Variants in DTNA observed in about 807,000 individuals in gnomAD.
DTNA encodes the protein dystrobrevin alpha.
A neutral mutation model predicts 100.7 loss-of-function variants in DTNA; 43 were observed. The observed-to-expected ratio is 0.43, with a 90% CI of 0.33 to 0.55. The LOEUF is 0.55. Ranked by LOEUF, DTNA falls within the 20% of genes least tolerant of loss-of-function variation. The probability of loss-of-function intolerance (pLI) is 0.04; values close to 1 mark genes in which losing one functional copy is unlikely to be tolerated. For synonymous variants in DTNA, 349 were observed against 347.9 expected (o/e 1.00, Z -0.04); for missense variants, 798 against 953.9 (o/e 0.84, Z 2.15).
At chr18:34,650,309 A>G (rs1216976395) in intron 1 of DTNA, among the ~76,000 whole-genome samples, 2 of 152,136 alleles carry the variant, frequency 1.3e-5, no homozygotes, top group African/African-American at 4.8e-5. Flanking sequence ...ACCATGAGTC[A>G]GATGAACTCT....
intron 1 of DTNA, among the ~76,000 whole-genome samples, chr18:34,608,502 G>C (rs1483359527): frequency 1.4e-5 from 2 of 146,194 alleles, no homozygotes; most frequent in Non-Finnish European, 3.0e-5. Flanking sequence ...AGGGACAAAA[G>C]TATTCGTTAG....
intron 1 of DTNA, among the ~76,000 whole-genome samples, chr18:34,722,982 T>C (rs1383286): frequency 0.12 from 17,979 of 152,218 alleles, 1,582 homozygotes; most frequent in African/African-American, 0.24. Context: ...CGAATAAAGC[T>C]ACTATGAACA....
At chr18:34,759,419 AC>A (rs1443409667) in intron 2 of DTNA, among the ~76,000 whole-genome samples, 12 of 152,308 alleles carry the variant, frequency 7.9e-5, no homozygotes, top group East Asian at 1.9e-4. Context: ...TTAGGGACAG[AC>A]CTAGGACATG....
chr18:34,671,792 C>A (rs1295521992), intron 1 of DTNA, among the ~76,000 whole-genome samples: 1 of 152,024 alleles, frequency 6.6e-6, no homozygotes, highest in East Asian at 1.9e-4. Flanking sequence ...AACTTTACAT[C>A]ATAGTATCAA....
intron 1 of DTNA, among the ~76,000 whole-genome samples, chr18:34,677,428 A>AT (rs1385957934): frequency 6.6e-6 from 1 of 150,994 alleles, no homozygotes; most frequent in Non-Finnish European, 1.5e-5. Context: ...CAGCAGCCAA[A>AT]TCCTAAGAGG....
At chr18:34,737,861 C>T (rs1233016057) in intron 1 of DTNA, 2 of 152,084 alleles carry the variant, frequency 1.3e-5, no homozygotes, top group African/African-American at 4.8e-5. Context: ...CAGAGACACG[C>T]CTTCATGAAA....
chr18:34,636,805 A>G (rs758089439), intron 1 of DTNA, among the ~76,000 whole-genome samples: 3 of 152,204 alleles, frequency 2.0e-5, no homozygotes, highest in African/African-American at 4.8e-5. Context: ...TCATTGAGTT[A>G]CAGAATCCAA....
intron 1 of DTNA, among the ~76,000 whole-genome samples, chr18:34,562,853 C>G (rs1019032523): frequency 6.6e-6 from 1 of 152,132 alleles, no homozygotes; most frequent in Non-Finnish European, 1.5e-5. Flanking sequence ...AGAGAGTGCA[C>G]AGATAATTCT....
intron 1 of DTNA, among the ~76,000 whole-genome samples, chr18:34,509,000 G>A (rs1287408646): frequency 6.6e-6 from 1 of 152,066 alleles, no homozygotes; most frequent in Admixed American, 6.6e-5. Flanking sequence ...ACCACCAGTT[G>A]TCTTAGGCTC....
Position 34,589,687 on chromosome 18 carries a change from A to G in DTNA, c.-2+96173A>G, listed in dbSNP as rs192165098. Among the ~76,000 whole-genome samples, 9 of 152,302 alleles carry G rather than the reference A, an allele frequency of 5.9e-5. No homozygotes were observed. The East Asian group carries it at 1.7e-3, about 29-fold the overall frequency. On this transcript the variant is annotated intron_variant, in intron 1 of 19. Coordinates refer to the DTNA transcript ENST00000283365. ...TACCGGTATACAATACAATATTATT[A>G]ACTGTAGTCTTTGTTCTATATGCTA...
intron 1 of DTNA, among the ~76,000 whole-genome samples, chr18:34,565,370 T>A (rs111744932): frequency 0.015 from 2,210 of 152,320 alleles, 55 homozygotes; most frequent in African/African-American, 0.049. Flanking sequence ...AGAATCTGCT[T>A]AAGGAGAAAA....
chr18:34,654,593 TA>T (rs1224178559), intron 1 of DTNA, among the ~76,000 whole-genome samples: 2 of 152,232 alleles, frequency 1.3e-5, no homozygotes, highest in East Asian at 1.9e-4. Context: ...GGGAACATTC[TA>T]AAAACATACC....
chr18:34,704,614 T>C (rs1479273654), intron 1 of DTNA, among the ~76,000 whole-genome samples: 1 of 152,204 alleles, frequency 6.6e-6, no homozygotes, highest in African/African-American at 2.4e-5. Flanking sequence ...TATTTCCTTT[T>C]TCCATGTTCT....
chr18:34,839,132 C>G (rs1281294771), intron 13 of DTNA, among the ~76,000 whole-genome samples: 1 of 152,152 alleles, frequency 6.6e-6, no homozygotes, highest in African/African-American at 2.4e-5. Flanking sequence ...CCAATCAGTT[C>G]TGTGCTACGT....
chr18:34,728,085 T>C (rs1038555266), intron 1 of DTNA, among the ~76,000 whole-genome samples: 1 of 152,210 alleles, frequency 6.6e-6, no homozygotes, highest in African/African-American at 2.4e-5. Context: ...CGTATTACTT[T>C]CGCAATGTTG....
chr18:34,764,756 T>C (rs1042031927), intron 2 of DTNA, among the ~76,000 whole-genome samples: 5 of 152,246 alleles, frequency 3.3e-5, no homozygotes, highest in African/African-American at 1.2e-4. Context: ...GGATAGTTCA[T>C]TTACTTTCTA....
At chr18:34,879,830 G>A (rs2096854581) in intron 20 of DTNA, 111 bp downstream of exon 20, 2 of 1,377,520 alleles carry the variant, frequency 1.5e-6, no homozygotes, top group Admixed American at 2.0e-5. Flanking sequence ...CAGAAGGGGT[G>A]ACATAGTTTT....
chr18:34,890,248 C>T lies in DTNA; in HGVS notation c.*2514C>T. ...AAAGCCATTGCAAGGACTCTGGAAA[C>T]TGCCGCCAATGACCAATTTCTGACT... is the stretch of plus-strand genomic sequence containing the variant. On this transcript the variant is annotated 3_prime_UTR_variant, in exon 23 of 23. Transcript: ENST00000444659. The T allele has an allele frequency of 1.3e-5, 20 of 1,513,236 alleles. No individual in the cohort carries two copies. Among genetic ancestry groups the T allele is most frequent in the Non-Finnish European group, 1.5e-5 (17 of 1,134,682 alleles). 93.7% of individuals were successfully genotyped at this position (1,513,236 alleles called of 1,614,324 possible). A position where few individuals can be genotyped will look rare whatever the true frequency, so the allele number is the denominator to read the frequency against.
At chr18:34,564,815 C>A (rs1301091630) in intron 1 of DTNA, among the ~76,000 whole-genome samples, 1 of 152,138 alleles carries the variant, frequency 6.6e-6, no homozygotes. Context: ...TGCACTGACC[C>A]TCCATAGACA....
Sources: allele counts gnomAD v4.1 joint callset (sites outside exome capture counted in the v4.1 genomes callset), GRCh38; gene constraint gnomAD v4.1.1; transcripts MANE v1.5; gene names NCBI Gene and HGNC (gene_info 2026-07-23, HGNC 2026-07-21).